The following DENND5A variants were observed in gnomAD, a reference collection of about 807,000 sequenced individuals.
DENND5A encodes the protein DENN domain containing 5A.
DENND5A carries 64 observed loss-of-function variants against 140.3 expected under a neutral mutation model. That is an observed-to-expected ratio of 0.46 (90% CI 0.37 to 0.56). The LOEUF (loss-of-function observed/expected upper bound fraction) is 0.56, where lower values mean the gene tolerates loss of function less well. Ranked by LOEUF, DENND5A falls within the 20% of genes least tolerant of loss-of-function variation. The pLI, the probability that DENND5A is intolerant of heterozygous loss-of-function variation, is 0.00. For synonymous variants in DENND5A, 605 were observed against 607.7 expected, an observed-to-expected ratio of 1.00 and a Z score of 0.07; for missense variants, 1,292 against 1,593.8, an observed-to-expected ratio of 0.81 and a Z score of 3.22.
intron 5 of DENND5A, among the ~76,000 whole-genome samples, chr11:9,189,802 A>G (rs921520992): frequency 6.6e-6 from 1 of 152,076 alleles, no homozygotes; most frequent in Non-Finnish European, 1.5e-5. Context: ...CACCATGCCC[A>G]GCCAATTTTG....
intron 1 of DENND5A, among the ~76,000 whole-genome samples, chr11:9,231,974 A>T (rs1320008096): frequency 6.6e-6 from 1 of 152,122 alleles, no homozygotes; most frequent in African/African-American, 2.4e-5. Context: ...CCCAGCTGTG[A>T]CAGCAATGGT....
At chr11:9,147,390 G>A (rs139012483) in intron 15 of DENND5A, among the ~76,000 whole-genome samples, 308 of 152,280 alleles carry the variant, frequency 2.0e-3, no homozygotes, top group African/African-American at 7.0e-3. Context: ...GTATGTTGAT[G>A]TTACTATAAT....
intron 1 of DENND5A, among the ~76,000 whole-genome samples, chr11:9,225,735 C>G (rs1230077411): frequency 6.6e-6 from 1 of 152,174 alleles, no homozygotes; most frequent in African/African-American, 2.4e-5. Context: ...CTACTCCAGC[C>G]TGGGCAACAG....
At chr11:9,180,384 T>C (rs549766619) in intron 6 of DENND5A, among the ~76,000 whole-genome samples, 6 of 152,138 alleles carry the variant, frequency 3.9e-5, no homozygotes, top group Middle Eastern at 3.4e-3. Context: ...GCCCAGGAGA[T>C]TGAGGCTGCA....
intron 1 of DENND5A, among the ~76,000 whole-genome samples, chr11:9,219,258 G>T (rs1408607839): frequency 6.6e-6 from 1 of 151,980 alleles, no homozygotes; most frequent in Non-Finnish European, 1.5e-5. Flanking sequence ...ACCAAGACAC[G>T]TCATGATGTA....
In DENND5A at chr11:9,145,001, G is replaced by A; in HGVS notation, c.3116C>T (p.Thr1039Ile). The part of the protein sequence containing the change: ...VMVRNEITGH[T>I]YKFPCGRWLG... ...AGCCTGAGGGTATACTTACTTGTAG[G>A]TATGTCCTGTGATCTCATTCCTGAC... is the stretch of plus-strand genomic sequence containing the variant. Residue 1039 changes from threonine (T) to isoleucine (I), a missense_variant, in exon 18 of 23, where the codon ACC (threonine) becomes ATC (isoleucine). Physicochemically the swap from Thr to Ile is moderately conservative, Grantham distance 89 (BLOSUM62 -1). Around this residue, in one of 4 missense-constraint regions of DENND5A, gnomAD observed 498 missense variants for 689.7 expected, o/e 0.72. Transcript: ENST00000328194. 1.2e-6 allele frequency: 2 copies of A among 1,609,932 alleles called. No individual in the cohort carries two copies. Among genetic ancestry groups the A allele is most frequent in the Non-Finnish European group, 1.7e-6 (2 of 1,176,282 alleles).
chr11:9,198,994 T>C (rs1014128078), intron 4 of DENND5A, among the ~76,000 whole-genome samples: 2 of 130,206 alleles, frequency 1.5e-5, no homozygotes, highest in Non-Finnish European at 3.3e-5. Flanking sequence ...GAGGCGGAGG[T>C]TGCAATGAGC....
intron 1 of DENND5A, among the ~76,000 whole-genome samples, chr11:9,258,559 T>C (rs1852052905): frequency 1.3e-5 from 2 of 152,094 alleles, no homozygotes; most frequent in African/African-American, 2.4e-5. Context: ...AGTCTTGCTA[T>C]TGCACACACA....
At chr11:9,179,295 C>G (rs1192353610) in intron 6 of DENND5A, among the ~76,000 whole-genome samples, 3 of 151,936 alleles carry the variant, frequency 2.0e-5, no homozygotes, top group Non-Finnish European at 2.9e-5. Flanking sequence ...TTAAAGATAT[C>G]CAACAACTCA....
intron 1 of DENND5A, among the ~76,000 whole-genome samples, chr11:9,216,322 T>C (rs1411711142): frequency 6.6e-6 from 1 of 152,186 alleles, no homozygotes; most frequent in Admixed American, 6.5e-5. Flanking sequence ...AAACTTTCAG[T>C]GAAAGACTGA....
At chr11:9,222,043 C>A (rs1590296275) in intron 1 of DENND5A, among the ~76,000 whole-genome samples, 1 of 152,188 alleles carries the variant, frequency 6.6e-6, no homozygotes, top group Non-Finnish European at 1.5e-5. Context: ...AGGCGTGAGC[C>A]ACTGCGCTTG....
At chr11:9,241,599 G>A (rs1851236316) in intron 1 of DENND5A, among the ~76,000 whole-genome samples, 1 of 152,126 alleles carries the variant, frequency 6.6e-6, no homozygotes, top group African/African-American at 2.4e-5. Flanking sequence ...CCCTCGCACA[G>A]GCTCTTCTCT....
chr11:9,243,853 T>G (rs2136277845), intron 1 of DENND5A, among the ~76,000 whole-genome samples: 1 of 152,262 alleles, frequency 6.6e-6, no homozygotes. Flanking sequence ...ACCACTGCAC[T>G]CCAGCCTGGG....
intron 4 of DENND5A, among the ~76,000 whole-genome samples, chr11:9,194,310 A>G (rs1383459583): frequency 6.6e-6 from 1 of 152,214 alleles, no homozygotes; most frequent in Non-Finnish European, 1.5e-5. Flanking sequence ...CACGCCTGTA[A>G]TGCCAGCACT....
chr11:9,143,410 T>C lies in DENND5A; in HGVS notation c.3380A>G (p.Glu1127Gly). ...NGIVKHFHKP[E>G]KERGSLTLLL... ...GAGGGCAGGAAGGCTCACCTCTTTCTCAGGCTTATGGAAGTGCTTCACAAT... is the reference window on the plus strand; with the variant it reads ...GAGGGCAGGAAGGCTCACCTCTTTCCCAGGCTTATGGAAGTGCTTCACAAT... Residue 1127 changes from glutamate to glycine, a missense_variant, in exon 20 of 23, where the codon GAG becomes GGG. By Grantham distance (98) the Glu-to-Gly change is moderately conservative. Coordinates refer to ENST00000328194, the MANE Select transcript of DENND5A (RefSeq NM_015213.4). The C allele has an allele frequency of 6.2e-7, 1 of 1,614,020 alleles. No homozygotes were observed. Among genetic ancestry groups the C allele is most frequent in the East Asian group, 2.2e-5 (1 of 44,878 alleles).
intron 1 of DENND5A, among the ~76,000 whole-genome samples, chr11:9,213,808 C>CCAAAAAAAAAAA (rs374762022): frequency 2.9e-5 from 2 of 69,644 alleles, no homozygotes; most frequent in African/African-American, 5.8e-5. Context: ...CTCCGTCTCC[C>CCAAAAAAAAAAA]AAAAAAAAAA....
Position 9,178,374 on chromosome 11 carries a change from G to A in DENND5A, c.1672-8C>T, listed in dbSNP as rs368681786. 2 of 1,559,776 alleles carry A rather than the reference G, an allele frequency of 1.3e-6. No individual in the cohort carries two copies. The highest frequency in any genetic ancestry group is 1.7e-5 in the Admixed American group (1 of 59,616). On this transcript the variant is annotated splice_region_variant and splice_polypyrimidine_tract_variant and intron_variant, in intron 7 of 22. Coordinates refer to ENST00000328194, the MANE Select transcript of DENND5A (RefSeq NM_015213.4). ...ATCTGACAGAAAAGATGCCTGGTGGGACCAAAAAGAAGCAGTAATTGACAG... is the reference window on the plus strand; with the variant it reads ...ATCTGACAGAAAAGATGCCTGGTGGAACCAAAAAGAAGCAGTAATTGACAG...
intron 1 of DENND5A, among the ~76,000 whole-genome samples, chr11:9,241,751 A>G (rs1378217618): frequency 1.3e-5 from 2 of 152,164 alleles, no homozygotes. Context: ...GCGGTGGCTC[A>G]CGCCTGTAAT....
intron 1 of DENND5A, 97 bp downstream of exon 1, chr11:9,264,864 C>A: frequency 8.6e-7 from 1 of 1,157,200 alleles, no homozygotes; most frequent in Non-Finnish European, 1.2e-6. Context: ...GACACTCGCC[C>A]GGCTCCCGGG....
Sources: gnomAD v4.1 joint callset for allele counts (sites outside exome capture counted in the v4.1 genomes callset) on GRCh38, gnomAD v4.1.1 for gene constraint, gnomAD v4.1.1 regional missense constraint, MANE v1.5 for transcripts, NCBI Gene and HGNC (gene_info 2026-07-23, HGNC 2026-07-21) for gene names.